The following DNAH11 variants were observed in gnomAD, a reference collection of about 807,000 sequenced individuals.
DNAH11 encodes dynein axonemal heavy chain 11.
Under a neutral mutation model 526.0 loss-of-function variants are expected in DNAH11, and 442 were observed. The observed-to-expected ratio is 0.84, with a 90% CI of 0.78 to 0.91. DNAH11 has a LOEUF of 0.91. Ranked by LOEUF, DNAH11 falls within the 40% of genes least tolerant of loss-of-function variation. The pLI, the probability that DNAH11 is intolerant of heterozygous loss-of-function variation, is 0.00. For missense variants in DNAH11, 6,989 were observed against 5,448.7 expected (o/e 1.28, Z -8.90); for synonymous variants, 2,461 against 1,935.9 (o/e 1.27, Z -7.12).
intron 79 of DNAH11, among the ~76,000 whole-genome samples, chr7:21,898,983 C>T (rs551602763): frequency 1.3e-5 from 2 of 152,204 alleles, no homozygotes; most frequent in South Asian, 2.1e-4. Context: ...CCTGTCCATA[C>T]CTCCAAGTTG....
chr7:21,800,574 G>T (rs1287902851), intron 61 of DNAH11, among the ~76,000 whole-genome samples: 1 of 152,182 alleles, frequency 6.6e-6, no homozygotes, highest in East Asian at 1.9e-4. Flanking sequence ...AGAGGTTGCA[G>T]TGAGCTGAGA....
At chr7:21,741,866 T>C (rs1413570729) in intron 48 of DNAH11, 61 bp from the exon 49 acceptor site, 1 of 1,572,028 alleles carries the variant, frequency 6.4e-7, no homozygotes, top group East Asian at 2.3e-5. Context: ...AAAAATCAGG[T>C]CTTTGCAATT....
chr7:21,650,087 A>C (rs571794490), intron 28 of DNAH11, among the ~76,000 whole-genome samples: 3 of 152,142 alleles, frequency 2.0e-5, no homozygotes, highest in Non-Finnish European at 2.9e-5. Flanking sequence ...AATTTCCAAA[A>C]GTTTATTTTA....
chr7:21,726,860 CAAAAAAAAAAAAAAAAAAAAA>C (rs1166791175), intron 45 of DNAH11, among the ~76,000 whole-genome samples: 2 of 13,812 alleles, frequency 1.4e-4, no homozygotes, highest in African/African-American at 7.7e-4. Flanking sequence ...GACTCTGTCT[CAAAAAAAAAAAAAAAAAAAAA>C]AAAAAAAAAA....
Position 21,717,805 on chromosome 7 carries a change from G to A in DNAH11, c.7014G>A (p.Arg2338=). The part of the protein sequence containing the change: ...PYVASWIDRR[R]HQSEKANLTI... ...TGGCCAGTTGGATAGACAGAAGGCG[G>A]CATCAATCAGAAAAGGCCAATTTGA... is the stretch of plus-strand genomic sequence containing the variant. The change falls in exon 43 of 82, where the codon CGG becomes CGA. Residue 2338 remains arginine (R), a synonymous_variant. Coordinates refer to ENST00000409508, the MANE Select transcript of DNAH11 (RefSeq NM_001277115.2). The A allele has an allele frequency of 6.2e-7, 1 of 1,613,792 alleles. No homozygotes were observed.
At position 21,591,041 on chromosome 7, in the gene DNAH11, A is replaced by G. The variant is rs761326913; in HGVS notation, c.2274+19A>G. On this transcript the variant is annotated intron_variant, in intron 13 of 81. Coordinates refer to ENST00000409508, the MANE Select transcript of DNAH11 (RefSeq NM_001277115.2). ...TTTAAAGGTTTGTGATTTTTGTTAAAAAAAAGATACTAGGGCCTATTATGA... is the reference window on the plus strand; with the variant it reads ...TTTAAAGGTTTGTGATTTTTGTTAAGAAAAAGATACTAGGGCCTATTATGA... The G allele has an allele frequency of 1.4e-6, 2 of 1,456,376 alleles. No homozygotes were observed. The highest frequency in any genetic ancestry group is 1.8e-6 in the Non-Finnish European group (2 of 1,103,648). The allele number at this position is 1,456,376 out of a possible 1,614,324, so 90.2% of individuals were successfully genotyped here.
intron 35 of DNAH11, among the ~76,000 whole-genome samples, chr7:21,696,563 A>C (rs183882452): frequency 6.6e-6 from 1 of 152,200 alleles, no homozygotes; most frequent in African/African-American, 2.4e-5. Flanking sequence ...CCAGTATCCT[A>C]TTTGTGACCC....
intron 5 of DNAH11, among the ~76,000 whole-genome samples, chr7:21,561,843 A>G (rs1312692781): frequency 1.3e-5 from 2 of 152,190 alleles, no homozygotes; most frequent in African/African-American, 4.8e-5. Context: ...GTGGTTTTAA[A>G]TAATAAAATA....
rs140357791 is a variant in DNAH11 at position 21,676,316 on chromosome 7, G to A, written c.5329-5230G>A. The stretch of plus-strand genomic sequence containing the variant: ...TCATGTAACACTGTTGCGATCAGTG[G>A]CAAGAATATGTACTGATTACATGAT... On this transcript the variant is annotated intron_variant, in intron 30 of 81. Transcript: ENST00000409508. Among the ~76,000 whole-genome samples, 6 of 152,260 alleles carry A rather than the reference G, an allele frequency of 3.9e-5. No homozygotes were observed. The South Asian group carries it at 6.2e-4, about 16-fold the overall frequency.
Position 21,620,103 on chromosome 7 carries a change from A to G in DNAH11, c.4500+25A>G, listed in dbSNP as rs755744141. 39 of 1,507,026 alleles carry G rather than the reference A, an allele frequency of 2.6e-5. 1 individual carries two copies. In the South Asian group the frequency reaches 3.9e-4, roughly 15 times the overall value. The allele number at this position is 1,507,026 out of a possible 1,614,324, so 93.4% of individuals were successfully genotyped here. ...AGTAAGATGGATATTTTTATTGCAT[A>G]TATTTTTCATTTTATTTTTATTTGA... On this transcript the variant is annotated intron_variant, in intron 25 of 81. Coordinates refer to ENST00000409508, the MANE Select transcript of DNAH11 (RefSeq NM_001277115.2).
intron 75 of DNAH11, among the ~76,000 whole-genome samples, chr7:21,881,613 C>T (rs375681283): frequency 6.6e-6 from 1 of 152,152 alleles, no homozygotes; most frequent in South Asian, 2.1e-4. Flanking sequence ...AAGTTAAATC[C>T]GTTAAGACTA....
intron 61 of DNAH11, among the ~76,000 whole-genome samples, chr7:21,789,850 TTCTCTCTCCTTCCTTCC>T (rs1562547363): frequency 4.9e-5 from 7 of 143,648 alleles, no homozygotes; most frequent in Non-Finnish European, 7.7e-5. Flanking sequence ...CTTTCTTTCT[TTCTCTCTCCTTCCTTCC>T]TTTTCTTTCT....
At chr7:21,834,195 C>T (rs1188411323) in intron 65 of DNAH11, among the ~76,000 whole-genome samples, 1 of 152,014 alleles carries the variant, frequency 6.6e-6, no homozygotes, top group Non-Finnish European at 1.5e-5. Flanking sequence ...AAATCAATAA[C>T]AGGAGAAACT....
chr7:21,672,512 C>G (rs749121872), intron 30 of DNAH11, among the ~76,000 whole-genome samples: 62 of 152,192 alleles, frequency 4.1e-4, no homozygotes, highest in Non-Finnish European at 7.1e-4. Flanking sequence ...GTCTCAAACT[C>G]CTGGCCTCAG....
At chr7:21,833,954 A>G (rs1303230979) in intron 65 of DNAH11, among the ~76,000 whole-genome samples, 1 of 152,176 alleles carries the variant, frequency 6.6e-6, no homozygotes, top group Admixed American at 6.5e-5. Flanking sequence ...ATCCAGATAG[A>G]AAATCAGAAA....
At position 21,765,552 on chromosome 7, in the gene DNAH11, T is replaced by C; in HGVS notation, c.9065T>C (p.Val3022Ala). The change falls in exon 55 of 82, where the codon GTC becomes GCC. Residue 3022 changes from valine (V) to alanine (A), a missense_variant. Transcript: ENST00000409508. ...HAWPQEALVSVSRRFIEETKG... is the reference protein window; with the variant it reads ...HAWPQEALVSASRRFIEETKG... ...TGGCCGCAGGAGGCTCTGGTCTCCG[T>C]CAGCAGGAGGTTCATTGAGGAAACC... The C allele has an allele frequency of 6.2e-7, 1 of 1,609,246 alleles. No homozygotes were observed. Among genetic ancestry groups the C allele is most frequent in the South Asian group, 1.1e-5 (1 of 90,970 alleles).
chr7:21,832,775 C>T (rs562515944), intron 65 of DNAH11, among the ~76,000 whole-genome samples: 1 of 152,144 alleles, frequency 6.6e-6, no homozygotes, highest in Non-Finnish European at 1.5e-5. Context: ...GCCTGGGAAC[C>T]AAGAATGGCT....
At position 21,599,771 on chromosome 7, in the gene DNAH11, A is replaced by C; in HGVS notation, c.2668-16A>C. On this transcript the variant is annotated splice_polypyrimidine_tract_variant and intron_variant, in intron 14 of 81. Transcript: ENST00000409508. ...TATTTGTTTATATTCATCCACTAAT[A>C]CTTGTCTGTTTCTAGGAAAATAGGA... The C allele has an allele frequency of 6.6e-7, 1 of 1,503,928 alleles. No homozygotes were observed. Among genetic ancestry groups the C allele is most frequent in the Non-Finnish European group, 8.9e-7 (1 of 1,122,472 alleles). The allele number at this position is 1,503,928 out of a possible 1,614,324, so 93.2% of individuals were successfully genotyped here. A position where few individuals can be genotyped will look rare whatever the true frequency, so the allele number is the denominator to read the frequency against.
At position 21,842,545 on chromosome 7, in the gene DNAH11, T is replaced by A. The variant is rs1160596248; in HGVS notation, c.10693T>A (p.Tyr3565Asn). The A allele has an allele frequency of 6.2e-7, 1 of 1,613,428 alleles. No individual in the cohort carries two copies. The highest frequency in any genetic ancestry group is 8.5e-7 in the Non-Finnish European group (1 of 1,179,622). The change falls in exon 66 of 82, where the codon TAT becomes AAT. Residue 3565 changes from tyrosine (Y) to asparagine (N), a missense_variant and splice_region_variant. Coordinates refer to ENST00000409508, the MANE Select transcript of DNAH11 (RefSeq NM_001277115.2). ...AAGTCTGTGTTTTGCTCCGTTTAGG[T>A]ATATCAGGATTGGAGATAAAGAATG... ...LGRNTIKKGK[Y>N]IRIGDKECEF...
Sources: gnomAD v4.1 joint callset for allele counts (sites outside exome capture counted in the v4.1 genomes callset) on GRCh38, gnomAD v4.1.1 for gene constraint, MANE v1.5 for transcripts, NCBI Gene and HGNC (gene_info 2026-07-23, HGNC 2026-07-21) for gene names.